The following DNAH1 variants were observed in gnomAD, a reference collection of about 807,000 sequenced individuals.
DNAH1 encodes axonemal beta dynein heavy chain 1.
In DNAH1, 327 loss-of-function variants were observed where a neutral mutation model predicts 484.3. That is an observed-to-expected ratio of 0.68 (90% confidence interval 0.62 to 0.74). The LOEUF (loss-of-function observed/expected upper bound fraction) is 0.74. Among genes scored for constraint, DNAH1 ranks in the 30% least tolerant of loss-of-function variants. DNAH1 has a pLI of 0.00. For missense variants in DNAH1, 5,052 were observed against 5,546.8 expected, an observed-to-expected ratio of 0.91 and a Z score of 2.83; for synonymous variants, 2,192 against 2,191.9, an observed-to-expected ratio of 1.00 and a Z score of 0.00.
At chr3:52,396,306 C>G in intron 70 of DNAH1, 62 bp from the exon 71 acceptor site, 1 of 1,504,478 alleles carries the variant, frequency 6.6e-7, no homozygotes, top group South Asian at 1.3e-5. Context: ...CAGGAGGGAG[C>G]CTGGTGTCAG....
Position 52,382,441 on chromosome 3 carries a change from T to A in DNAH1, c.7927T>A (p.Phe2643Ile), listed in dbSNP as rs1387388697. The change falls in exon 50 of 78, where the codon TTC (phenylalanine) becomes ATC (isoleucine). Residue 2643 changes from phenylalanine (F) to isoleucine (I), a missense_variant. Physicochemically the swap from Phe to Ile is conservative, Grantham distance 21. Transcript: ENST00000420323. ...GLQNLPITFL[F>I]SDTQIKNESF... ...ACAGAACCTACCCATCACCTTCCTC[T>A]TCTCAGACACCCAGGTGCCACTGCC... 6.2e-7 allele frequency: 1 copy of A among 1,613,838 alleles called. No individual in the cohort carries two copies. Among genetic ancestry groups the A allele is most frequent in the East Asian group, 2.2e-5 (1 of 44,876 alleles).
intron 1 of DNAH1, among the ~76,000 whole-genome samples, chr3:52,317,032 T>A (rs909413465): frequency 1.3e-5 from 2 of 152,232 alleles, no homozygotes; most frequent in African/African-American, 4.8e-5. Context: ...CCCTAATTGT[T>A]ATATTGCAGC....
intron 7 of DNAH1, among the ~76,000 whole-genome samples, chr3:52,331,790 A>G (rs754842731): frequency 7.9e-5 from 12 of 151,692 alleles, no homozygotes; most frequent in Non-Finnish European, 1.5e-4. Flanking sequence ...ACACCCAGCT[A>G]CTTTTTTGTA....
At chr3:52,388,089 A>G in intron 56 of DNAH1, 78 bp from the exon 57 acceptor site, 1 of 1,529,796 alleles carries the variant, frequency 6.5e-7, no homozygotes, top group Non-Finnish European at 8.8e-7. Context: ...GTCCCTCAGC[A>G]GGCCCCACAT....
chr3:52,359,160 G>A (rs1159667603), intron 25 of DNAH1, 86 bp from the exon 26 acceptor site: 6 of 1,510,702 alleles, frequency 4.0e-6, no homozygotes, highest in Non-Finnish European at 5.3e-6. Flanking sequence ...TGAAAGGCCA[G>A]AGCACAGACA....
chr3:52,392,438 G>C (rs770683196), intron 63 of DNAH1, 26 bp from the exon 64 acceptor site: 1 of 1,606,706 alleles, frequency 6.2e-7, no homozygotes, highest in South Asian at 1.1e-5. Flanking sequence ...AGGTATTACA[G>C]ACTTGGTGTC....
At chr3:52,344,206 G>A (rs920039071) in intron 8 of DNAH1, among the ~76,000 whole-genome samples, 2 of 152,158 alleles carry the variant, frequency 1.3e-5, no homozygotes, top group African/African-American at 4.8e-5. Context: ...CCTGCACCCC[G>A]TCCCACTGCT....
rs1400383500 is a variant in DNAH1 at position 52,344,481 on chromosome 3, T to A, written c.1287-9T>A. ...CCCTGATTCCCCCATCTCCCATCTC[T>A]ATGGGCAGGGTTCTAGAGCACCTCA... On this transcript the variant is annotated splice_polypyrimidine_tract_variant and intron_variant, in intron 8 of 77. Transcript: ENST00000420323. 3 of 1,612,232 alleles carry A rather than the reference T, an allele frequency of 1.9e-6. No individual in the cohort carries two copies. Among genetic ancestry groups the A allele is most frequent in the Non-Finnish European group, 2.5e-6 (3 of 1,178,548 alleles).
intron 1 of DNAH1, among the ~76,000 whole-genome samples, 181 bp downstream of exon 1, chr3:52,316,726 C>CCAATT (rs1700963755): frequency 2.0e-5 from 3 of 152,170 alleles, no homozygotes; most frequent in Non-Finnish European, 4.4e-5. Flanking sequence ...GGGATAGGGT[C>CCAATT]CAGTTCAGTT....
At chr3:52,386,628 C>A in intron 55 of DNAH1, 34 bp from the exon 56 acceptor site, 2 of 1,526,292 alleles carry the variant, frequency 1.3e-6, no homozygotes, top group South Asian at 2.5e-5. Flanking sequence ...CCCACTGGGT[C>A]TGAGTCTTCC....
At chr3:52,373,571 A>G in intron 44 of DNAH1, 2 of 1,482,918 alleles carry the variant, frequency 1.3e-6, no homozygotes, top group African/African-American at 1.4e-5. Flanking sequence ...CTCAGCCCAT[A>G]GTGAAGAAAG....
Position 52,395,962 on chromosome 3 carries a change from G to A in DNAH1, c.11259+284G>A, listed in dbSNP as rs1014400310. On this transcript the variant is annotated intron_variant, in intron 70 of 77. Coordinates refer to ENST00000420323, the MANE Select transcript of DNAH1 (RefSeq NM_015512.5). The surrounding 1 kb of genome is among the most constrained non-coding windows in gnomAD (Gnocchi z 4.4). ...CCTTTTTTTTTTTTTTTTTTCAGACGGAGTCTCACTCTGTCACCGGGGCTG... is the reference window on the plus strand; with the variant it reads ...CCTTTTTTTTTTTTTTTTTTCAGACAGAGTCTCACTCTGTCACCGGGGCTG... 6.9e-5 allele frequency among the ~76,000 whole-genome samples: 10 copies of A among 144,270 alleles called. No individual in the cohort carries two copies. Among genetic ancestry groups the A allele is most frequent in the Admixed American group, 2.1e-4 (3 of 14,462 alleles). 94.6% of individuals were successfully genotyped at this position (144,270 alleles called of 152,430 possible). A position where few individuals can be genotyped will look rare whatever the true frequency, so the allele number is the denominator to read the frequency against.
chr3:52,353,685 C>A lies in DNAH1; in HGVS notation c.3480+52C>A, dbSNP rs1169930419. On this transcript the variant is annotated intron_variant, in intron 20 of 77. Transcript: ENST00000420323. The surrounding 1 kb of genome is among the most constrained non-coding windows in gnomAD (Gnocchi z 5.0). ...ACTCCAGCCAGGCCCTGCCGGACAG[C>A]CTGACCTCCTGCTCTGGCAACCACA... is the stretch of plus-strand genomic sequence containing the variant. 3.9e-6 allele frequency: 6 copies of A among 1,548,290 alleles called. No homozygotes were observed. The highest frequency in any genetic ancestry group is 4.4e-6 in the Non-Finnish European group (5 of 1,148,538).
chr3:52,312,283 A>C (rs1578046069), upstream of DNAH1, among the ~76,000 whole-genome samples: 1 of 152,050 alleles, frequency 6.6e-6, no homozygotes, highest in Non-Finnish European at 1.5e-5. Context: ...GGGAGGGCTG[A>C]GGCCAGGTTG....
intron 44 of DNAH1, chr3:52,373,953 C>T (rs1703469063): frequency 4.0e-6 from 5 of 1,245,808 alleles, no homozygotes; most frequent in South Asian, 1.2e-5. Context: ...AGCAGGCTGG[C>T]TTCATCTACA....
In DNAH1 at chr3:52,386,256, G is replaced by A. The variant is rs573387592; in HGVS notation, c.8722G>A (p.Asp2908Asn). The change falls in exon 55 of 78, where the codon GAT (aspartate) becomes AAT (asparagine). Residue 2908 changes from aspartate (D) to asparagine (N), a missense_variant. Transcript: ENST00000420323. ...KAKKAQAIADDAQKDLDEALP... is the reference protein window; with the variant it reads ...KAKKAQAIADNAQKDLDEALP... Reference sequence around the variant, plus strand: ...CAAGAAGGCACAAGCTATTGCTGACGATGCCCAGAAGGACCTGGACGAGGC... The same window carrying A: ...CAAGAAGGCACAAGCTATTGCTGACAATGCCCAGAAGGACCTGGACGAGGC... The A allele has an allele frequency of 2.2e-5, 36 of 1,612,732 alleles. No individual in the cohort carries two copies. Among genetic ancestry groups the A allele is most frequent in the East Asian group, 4.5e-5 (2 of 44,830 alleles).
At chr3:52,375,864 A>G (rs749549202) in intron 45 of DNAH1, 91 bp from the exon 46 acceptor site, 1 of 1,450,512 alleles carries the variant, frequency 6.9e-7, no homozygotes, top group Non-Finnish European at 9.6e-7. Context: ...TTACCCCAAG[A>G]TGCTGTTTCC....
At chr3:52,330,621 G>C (rs1299054092) in intron 6 of DNAH1, among the ~76,000 whole-genome samples, 6 of 152,212 alleles carry the variant, frequency 3.9e-5, no homozygotes, top group African/African-American at 1.2e-4. Flanking sequence ...CAGGCTTTCA[G>C]CCCAGGAAAC....
chr3:52,356,997 C>T (rs1702635710), intron 22 of DNAH1, among the ~76,000 whole-genome samples: 1 of 151,824 alleles, frequency 6.6e-6, no homozygotes, highest in Admixed American at 6.6e-5. Context: ...GATCCACAGC[C>T]CATATTAACG....
Sources: allele counts gnomAD v4.1 joint callset (sites outside exome capture counted in the v4.1 genomes callset), GRCh38; gene constraint gnomAD v4.1.1; non-coding constraint Gnocchi (gnomAD v3.1); transcripts MANE v1.5; gene names NCBI Gene and HGNC (gene_info 2026-07-23, HGNC 2026-07-21).